Variants in SLMAP observed in about 807,000 individuals in gnomAD.
SLMAP encodes sarcolemmal membrane-associated protein.
A neutral mutation model predicts 128.8 loss-of-function variants in SLMAP; 44 were observed. The ratio of observed to expected loss-of-function variants is 0.34; its 90% CI spans 0.27 to 0.44. SLMAP has a LOEUF of 0.44. Ranked by LOEUF, SLMAP falls within the 20% of genes least tolerant of loss-of-function variation. SLMAP has a pLI of 1.00. For missense variants in SLMAP, 787 were observed against 985.3 expected (o/e 0.80, Z 2.69); for synonymous variants, 327 against 348.8 (o/e 0.94, Z 0.70).
At chr3:57,809,814 A>G (rs1283058741) in intron 2 of SLMAP, among the ~76,000 whole-genome samples, 1 of 152,184 alleles carries the variant, frequency 6.6e-6, no homozygotes, top group Non-Finnish European at 1.5e-5. Context: ...TATCCACTTC[A>G]GGGCCTCCTC....
At chr3:57,833,819 ATGT>A (rs1211730932) in intron 3 of SLMAP, among the ~76,000 whole-genome samples, 1 of 152,078 alleles carries the variant, frequency 6.6e-6, no homozygotes, top group East Asian at 1.9e-4. Context: ...AACATTTAAA[ATGT>A]TGTTTCTTTT....
At chr3:57,788,097 A>G (rs1327860069) in intron 2 of SLMAP, among the ~76,000 whole-genome samples, 1 of 152,210 alleles carries the variant, frequency 6.6e-6, no homozygotes, top group African/African-American at 2.4e-5. Context: ...TCTAGGCAGC[A>G]CTAATATATA....
chr3:57,834,658 G>C (rs1300037766), intron 3 of SLMAP, among the ~76,000 whole-genome samples: 2 of 151,994 alleles, frequency 1.3e-5, no homozygotes, highest in African/African-American at 4.8e-5. Flanking sequence ...TTAAAAAACA[G>C]ATAAACCCTG....
At position 57,860,752 on chromosome 3, in the gene SLMAP, A is replaced by T; in HGVS notation, c.741A>T (p.Lys247Asn). ...AACTTATAGCATTACAAGAGGATAA[A>T]CATAACTATGAGACAACAGCCAAAG... ...RKELIALQED[K>N]HNYETTAKES... Residue 247 changes from lysine to asparagine, a missense_variant, in exon 9 of 25, where the codon AAA (lysine) becomes AAT (asparagine). Physicochemically the swap from Lys to Asn is moderately conservative, Grantham distance 94. Coordinates refer to ENST00000671191, the MANE Select transcript of SLMAP (RefSeq NM_001377540.1). The T allele has an allele frequency of 6.3e-7, 1 of 1,599,162 alleles. No homozygotes were observed. The highest frequency in any genetic ancestry group is 8.5e-7 in the Non-Finnish European group (1 of 1,176,280).
intron 6 of SLMAP, among the ~76,000 whole-genome samples, chr3:57,850,224 C>T (rs2094452023): frequency 6.6e-6 from 1 of 151,616 alleles, no homozygotes. Context: ...TTTGCAAATT[C>T]ACAAATATAG....
intron 13 of SLMAP, among the ~76,000 whole-genome samples, chr3:57,870,019 A>G (rs1389395066): frequency 6.6e-6 from 1 of 152,032 alleles, no homozygotes; most frequent in Non-Finnish European, 1.5e-5. Context: ...AGTTTAGTAA[A>G]TATTTTAATG....
intron 5 of SLMAP, 131 bp from the exon 6 acceptor site, chr3:57,849,623 T>C (rs1324456160): frequency 1.8e-5 from 11 of 610,516 alleles, no homozygotes; most frequent in Non-Finnish European, 3.2e-5. Context: ...ATATTGCCTT[T>C]GTGCTATAAA....
chr3:57,851,479 T>C (rs1456261144), intron 6 of SLMAP, among the ~76,000 whole-genome samples: 2 of 147,652 alleles, frequency 1.4e-5, no homozygotes, highest in Non-Finnish European at 3.0e-5. Flanking sequence ...TTGTTTTTGT[T>C]TTTTTTTTTT....
intron 13 of SLMAP, among the ~76,000 whole-genome samples, chr3:57,866,578 T>C (rs911905903): frequency 3.3e-5 from 5 of 152,202 alleles, no homozygotes; most frequent in Non-Finnish European, 5.9e-5. Context: ...TAAAATGCAT[T>C]GACTTTTTAA....
intron 2 of SLMAP, among the ~76,000 whole-genome samples, chr3:57,789,341 C>A (rs567001317): frequency 6.6e-6 from 1 of 151,942 alleles, no homozygotes; most frequent in East Asian, 1.9e-4. Context: ...GAATCTATAG[C>A]CAAGGATCAG....
chr3:57,836,081 T>C (rs1011579043), intron 3 of SLMAP, among the ~76,000 whole-genome samples: 4 of 152,138 alleles, frequency 2.6e-5, no homozygotes, highest in African/African-American at 7.2e-5. Context: ...CTATAAGATA[T>C]AATGTTGAGT....
intron 2 of SLMAP, among the ~76,000 whole-genome samples, chr3:57,807,152 C>T (rs1228336990): frequency 2.0e-5 from 3 of 152,138 alleles, no homozygotes; most frequent in South Asian, 2.1e-4. Context: ...TTGTTGGCCG[C>T]GTAAATGTCT....
At chr3:57,796,091 G>A (rs2086667495) in intron 2 of SLMAP, among the ~76,000 whole-genome samples, 2 of 151,994 alleles carry the variant, frequency 1.3e-5, no homozygotes, top group Non-Finnish European at 2.9e-5. Context: ...CCTAATTTAA[G>A]GCCATAAACA....
intron 10 of SLMAP, among the ~76,000 whole-genome samples, chr3:57,862,603 A>T (rs543278607): frequency 7.2e-6 from 1 of 138,158 alleles, no homozygotes; most frequent in African/African-American, 2.7e-5. Flanking sequence ...GCACCACTGC[A>T]CTCCAGCCTG....
At position 57,927,279 on chromosome 3, in the gene SLMAP, G is replaced by C; in HGVS notation, c.*7-17G>C. 1 of 1,576,676 alleles carries C rather than the reference G, an allele frequency of 6.3e-7. No homozygotes were observed. The highest frequency in any genetic ancestry group is 1.7e-5 in the Admixed American group (1 of 59,234). On this transcript the variant is annotated splice_polypyrimidine_tract_variant and intron_variant, in intron 24 of 24. Transcript: ENST00000671191. ...AGGGGAGAATGTGATATTGACTCTT[G>C]GTTTCTTTCCACACAGAAACCCTGG...
At chr3:57,889,218 G>A (rs1370610043) in intron 14 of SLMAP, among the ~76,000 whole-genome samples, 1 of 152,182 alleles carries the variant, frequency 6.6e-6, no homozygotes, top group Non-Finnish European at 1.5e-5. Context: ...GAGACAAAGT[G>A]CCACATACTG....
rs2094886105 is a variant in SLMAP at position 57,858,267 on chromosome 3, A to G, written c.687+108A>G. 6 of 688,346 alleles carry G rather than the reference A, an allele frequency of 8.7e-6. No homozygotes were observed. The Admixed American group carries it at 1.4e-4, about 16-fold the overall frequency. 42.6% of individuals were successfully genotyped at this position (688,346 alleles called of 1,614,324 possible). A position where few individuals can be genotyped will look rare whatever the true frequency, so the allele number is the denominator to read the frequency against. ...TGCTAAAAACTTCATACATTTCCACAATTCTTTTAAATCTTTTGTGCTGAG... is the reference window on the plus strand; with the variant it reads ...TGCTAAAAACTTCATACATTTCCACGATTCTTTTAAATCTTTTGTGCTGAG... On this transcript the variant is annotated intron_variant, in intron 8 of 24. Coordinates refer to ENST00000671191, the MANE Select transcript of SLMAP (RefSeq NM_001377540.1).
chr3:57,805,445 A>C lies in SLMAP; in HGVS notation c.199-25938A>C, dbSNP rs115141733. Among the ~76,000 whole-genome samples the C allele has an allele frequency of 7.8e-3, 1,194 of 152,346 alleles. 6 individuals carry two copies. Among genetic ancestry groups the C allele is most frequent in the Non-Finnish European group, 0.013 (863 of 68,028 alleles). On this transcript the variant is annotated intron_variant, in intron 2 of 24. Coordinates refer to ENST00000671191, the MANE Select transcript of SLMAP (RefSeq NM_001377540.1). The stretch of plus-strand genomic sequence containing the variant: ...TATCCACCATTGCTGCAGTATTTCC[A>C]AATACAGATACTGGTATTATCTGTC...
At position 57,826,603 on chromosome 3, in the gene SLMAP, G is replaced by A. The variant is rs540909544; in HGVS notation, c.199-4780G>A. Among the ~76,000 whole-genome samples the A allele has an allele frequency of 2.0e-5, 3 of 152,166 alleles. No homozygotes were observed. The East Asian group carries it at 5.8e-4, about 29-fold the overall frequency. On this transcript the variant is annotated intron_variant, in intron 2 of 24. Coordinates refer to ENST00000671191, the MANE Select transcript of SLMAP (RefSeq NM_001377540.1). ...TATTGTCCCTGTTCTGCTTAATTTT[G>A]GTTCCACTCCCAGCAGTTTTCCCTC... is the stretch of plus-strand genomic sequence containing the variant.
Sources: gnomAD v4.1 joint callset for allele counts (sites outside exome capture counted in the v4.1 genomes callset) on GRCh38, gnomAD v4.1.1 for gene constraint, MANE v1.5 for transcripts, NCBI Gene and HGNC (gene_info 2026-07-23, HGNC 2026-07-21) for gene names.